TCF12: variants seen among roughly 807,000 people sequenced by gnomAD.
TCF12 encodes transcription factor 12, also known as DNA-binding protein HTF4.
In TCF12, 45 loss-of-function variants were observed where a neutral mutation model predicts 86.0. The ratio of observed to expected loss-of-function variants is 0.52; its 90% CI spans 0.41 to 0.67. The LOEUF is 0.67. TCF12 is among the 30% of genes least tolerant of loss of function. TCF12 has a pLI of 0.00. For synonymous variants in TCF12, 330 were observed against 299.6 expected, an observed-to-expected ratio of 1.10 and a Z score of -1.05; for missense variants, 881 against 859.9, an observed-to-expected ratio of 1.02 and a Z score of -0.31.
At chr15:56,981,620 T>TA (rs1251957756) in intron 3 of TCF12, among the ~76,000 whole-genome samples, 1 of 152,164 alleles carries the variant, frequency 6.6e-6, no homozygotes, top group East Asian at 1.9e-4. Flanking sequence ...ACATGGGGGT[T>TA]AGAGGCTCTG....
At chr15:57,187,029 A>C (rs574702655) in intron 6 of TCF12, among the ~76,000 whole-genome samples, 32 of 152,078 alleles carry the variant, frequency 2.1e-4, no homozygotes, top group Non-Finnish European at 3.8e-4. Context: ...AAAAATACAA[A>C]AATTAGCCAG....
chr15:57,064,983 A>G (rs7171073), intron 4 of TCF12, among the ~76,000 whole-genome samples: 37,438 of 151,996 alleles, frequency 0.25, 5,427 homozygotes, highest in East Asian at 0.39. Context: ...ACTGAAATGC[A>G]TAGTCTCAGT....
chr15:57,184,906 T>A (rs2056576463), intron 6 of TCF12, among the ~76,000 whole-genome samples: 1 of 152,144 alleles, frequency 6.6e-6, no homozygotes, highest in Non-Finnish European at 1.5e-5. Flanking sequence ...CATATATGCC[T>A]ATTGTTATAT....
intron 3 of TCF12, among the ~76,000 whole-genome samples, chr15:56,975,243 G>C (rs1595922432): frequency 1.3e-5 from 2 of 151,992 alleles, no homozygotes; most frequent in East Asian, 3.8e-4. Flanking sequence ...TAATAATAAG[G>C]GTATGGTAAC....
intron 3 of TCF12, among the ~76,000 whole-genome samples, chr15:57,051,924 A>T (rs1226944885): frequency 6.6e-6 from 1 of 152,326 alleles, no homozygotes; most frequent in South Asian, 2.1e-4. Context: ...ATTCCTTGTC[A>T]AAGAGCAGTT....
At chr15:57,049,134 C>G (rs1767492527) in intron 3 of TCF12, among the ~76,000 whole-genome samples, 1 of 152,138 alleles carries the variant, frequency 6.6e-6, no homozygotes, top group African/African-American at 2.4e-5. Flanking sequence ...GGCCCACTTG[C>G]AGCAATTTGG....
chr15:57,277,700 G>A (rs1432640604), intron 19 of TCF12, among the ~76,000 whole-genome samples: 3 of 151,900 alleles, frequency 2.0e-5, no homozygotes, highest in Non-Finnish European at 4.4e-5. Flanking sequence ...ACAGTGGGAG[G>A]CCAAGGCAGG....
chr15:57,233,993 A>G, intron 11 of TCF12, 50 bp from the exon 12 acceptor site: 4 of 1,498,940 alleles, frequency 2.7e-6, no homozygotes, highest in Non-Finnish European at 3.7e-6. Flanking sequence ...GTGCTAAAAT[A>G]TAATACTTGC....
intron 3 of TCF12, among the ~76,000 whole-genome samples, chr15:56,991,458 T>G (rs1430821): frequency 0.94 from 143,693 of 152,212 alleles, 68,119 homozygotes; most frequent in Non-Finnish European, 0.99. Flanking sequence ...AATTCTAATT[T>G]CTACAATATA....
At chr15:57,034,207 C>T (rs1238334731) in intron 3 of TCF12, among the ~76,000 whole-genome samples, 1 of 152,170 alleles carries the variant, frequency 6.6e-6, no homozygotes, top group African/African-American at 2.4e-5. Context: ...TTACTTGAGT[C>T]ACTGAGATTA....
chr15:56,996,222 C>T (rs1172073587), intron 3 of TCF12, among the ~76,000 whole-genome samples: 1 of 152,070 alleles, frequency 6.6e-6, no homozygotes, highest in African/African-American at 2.4e-5. Context: ...CTGTATTCAT[C>T]AGTGATACTG....
At chr15:56,924,053 T>TA (rs1357284087) in intron 3 of TCF12, among the ~76,000 whole-genome samples, 14 of 152,124 alleles carry the variant, frequency 9.2e-5, no homozygotes, top group African/African-American at 3.1e-4. Context: ...TAGATGTACT[T>TA]ACAGGCTTTT....
chr15:56,992,749 C>G (rs748577476), intron 3 of TCF12, among the ~76,000 whole-genome samples: 6 of 152,126 alleles, frequency 3.9e-5, no homozygotes, highest in Non-Finnish European at 5.9e-5. Context: ...TTACGGCTAT[C>G]TTTTCATGAG....
At chr15:57,188,376 A>G (rs1030402905) in intron 6 of TCF12, among the ~76,000 whole-genome samples, 3 of 152,204 alleles carry the variant, frequency 2.0e-5, no homozygotes, top group Non-Finnish European at 2.9e-5. Flanking sequence ...TGAACACTTA[A>G]TATTAAGATG....
At chr15:57,170,667 ATAT>A (rs1325792655) in intron 6 of TCF12, among the ~76,000 whole-genome samples, 1 of 19,662 alleles carries the variant, frequency 5.1e-5, no homozygotes, top group Non-Finnish European at 8.7e-5. Context: ...TAAAATATAT[ATAT>A]ATATAATATA....
At chr15:57,265,652 A>G (rs570960492) in intron 18 of TCF12, among the ~76,000 whole-genome samples, 4 of 152,220 alleles carry the variant, frequency 2.6e-5, no homozygotes, top group Admixed American at 1.3e-4. Flanking sequence ...AATGTACTGT[A>G]GGGACTTAAC....
chr15:56,927,337 G>C (rs1457587897), intron 3 of TCF12, among the ~76,000 whole-genome samples: 1 of 152,132 alleles, frequency 6.6e-6, no homozygotes, highest in Admixed American at 6.5e-5. Flanking sequence ...AACAGAAAAA[G>C]CAAAAGGGGA....
intron 3 of TCF12, among the ~76,000 whole-genome samples, chr15:56,932,131 C>T (rs1413734337): frequency 2.0e-5 from 3 of 152,082 alleles, no homozygotes; most frequent in African/African-American, 7.2e-5. Context: ...GTTATAATAG[C>T]AGTAGGACTT....
intron 13 of TCF12, among the ~76,000 whole-genome samples, chr15:57,245,339 A>G (rs1410807290): frequency 8.5e-5 from 13 of 152,250 alleles, no homozygotes; most frequent in Non-Finnish European, 1.5e-5. Context: ...CCACATAGAC[A>G]AGACTATGAA....
Sources: allele counts gnomAD v4.1 joint callset (sites outside exome capture counted in the v4.1 genomes callset), GRCh38; gene constraint gnomAD v4.1.1; transcripts MANE v1.5; gene names NCBI Gene and HGNC (gene_info 2026-07-23, HGNC 2026-07-21).